QRICH1: variants seen among roughly 807,000 people sequenced by gnomAD.
QRICH1 encodes glutamine rich 1.
QRICH1 carries 16 observed loss-of-function variants against 87.1 expected under a neutral mutation model. The ratio of observed to expected loss-of-function variants is 0.18; its 90% CI spans 0.12 to 0.28. The LOEUF is 0.28. Among genes scored for constraint, QRICH1 ranks in the 10% least tolerant of loss-of-function variants. The pLI, the probability that QRICH1 is intolerant of heterozygous loss-of-function variation, is 1.00. For synonymous variants in QRICH1, 367 were observed against 368.4 expected (o/e 1.00, Z 0.05); for missense variants, 647 against 951.7 (o/e 0.68, Z 4.21).
chr3:49,093,574 A>G (rs1001454151), intron 1 of QRICH1: 3 of 152,324 alleles, frequency 2.0e-5, no homozygotes, highest in African/African-American at 4.8e-5. Context: ...CCCACGGGCC[A>G]CAGCTCCTAG....
chr3:49,030,992 T>C (rs1013056742), intron 9 of QRICH1, among the ~76,000 whole-genome samples: 2 of 130,074 alleles, frequency 1.5e-5, no homozygotes, highest in Admixed American at 7.7e-5. Flanking sequence ...GTCTTTGCGC[T>C]TTTTTTTTTT....
At chr3:49,062,030 G>A (rs956432527) in intron 2 of QRICH1, among the ~76,000 whole-genome samples, 2 of 151,998 alleles carry the variant, frequency 1.3e-5, no homozygotes, top group African/African-American at 2.4e-5. Context: ...TGAAACTGCT[G>A]GTGGGCATGT....
intron 3 of QRICH1, among the ~76,000 whole-genome samples, chr3:49,055,820 A>C (rs1329211852): frequency 2.6e-5 from 4 of 151,370 alleles, no homozygotes; most frequent in Admixed American, 1.3e-4. Flanking sequence ...CTGGGATTAT[A>C]GGTGTGTGCC....
intron 7 of QRICH1, 118 bp from the exon 8 acceptor site, chr3:49,032,891 G>A (rs571105712): frequency 8.6e-6 from 11 of 1,283,788 alleles, no homozygotes; most frequent in Admixed American, 4.8e-5. Context: ...ATCTGGGCAG[G>A]CCCGTACCCA....
intron 1 of QRICH1, among the ~76,000 whole-genome samples, chr3:49,087,830 A>AAAAAAAAAAAAAC: frequency 6.7e-6 from 1 of 148,900 alleles, no homozygotes; most frequent in African/African-American, 2.4e-5. Flanking sequence ...AAAAAAAAAA[A>AAAAAAAAAAAAAC]AAAAAAAAAG....
At chr3:49,044,790 A>G (rs1347251020) in intron 5 of QRICH1, among the ~76,000 whole-genome samples, 1 of 152,232 alleles carries the variant, frequency 6.6e-6, no homozygotes, top group Non-Finnish European at 1.5e-5. Flanking sequence ...CTCTGGGGTC[A>G]GCCTTCCATT....
intron 6 of QRICH1, among the ~76,000 whole-genome samples, chr3:49,044,067 T>G (rs538110519): frequency 6.6e-6 from 1 of 152,278 alleles, no homozygotes; most frequent in Non-Finnish European, 1.5e-5. Context: ...AAAGCAAAAA[T>G]TATGCTCTAC....
chr3:49,032,394 A>C, intron 8 of QRICH1, 121 bp from the exon 9 acceptor site: 4 of 840,968 alleles, frequency 4.8e-6, no homozygotes, highest in Non-Finnish European at 7.7e-6. Flanking sequence ...GGGGGAGGGA[A>C]GGTATGAGGC....
intron 6 of QRICH1, among the ~76,000 whole-genome samples, chr3:49,035,720 T>C (rs1191272452): frequency 6.7e-6 from 1 of 150,268 alleles, no homozygotes; most frequent in Non-Finnish European, 1.5e-5. Context: ...CCCAACAGGG[T>C]GAGGCAGCAG....
In QRICH1 at chr3:49,030,378, G is replaced by A. The variant is rs2106800958; in HGVS notation, c.*74C>T. ...AATAAAAAAAAGAAAAAAAAAAATG[G>A]AGGCCTCTTCTTTAGTGTGAAAGTC... On this transcript the variant is annotated 3_prime_UTR_variant, in exon 10 of 10. Coordinates refer to ENST00000395443, the MANE Select transcript of QRICH1 (RefSeq NM_198880.3). 1.5e-6 allele frequency: 2 copies of A among 1,378,972 alleles called. No individual in the cohort carries two copies. The highest frequency in any genetic ancestry group is 2.3e-5 in the Admixed American group (1 of 43,412). The allele number at this position is 1,378,972 out of a possible 1,614,324, so 85.4% of individuals were successfully genotyped here.
chr3:49,084,585 G>A (rs540665668), intron 1 of QRICH1, among the ~76,000 whole-genome samples: 242 of 151,990 alleles, frequency 1.6e-3, no homozygotes, highest in Non-Finnish European at 2.7e-3. Flanking sequence ...CCAACATGGT[G>A]AAACCCCATC....
At chr3:49,052,568 C>T (rs1386031382) in intron 3 of QRICH1, among the ~76,000 whole-genome samples, 1 of 152,174 alleles carries the variant, frequency 6.6e-6, no homozygotes, top group African/African-American at 2.4e-5. Flanking sequence ...TGCAGTGGCG[C>T]GATCTCGGCT....
At chr3:49,067,391 C>A (rs1478863116) in intron 2 of QRICH1, among the ~76,000 whole-genome samples, 2 of 150,116 alleles carry the variant, frequency 1.3e-5, no homozygotes, top group Non-Finnish European at 3.0e-5. Context: ...CATGGTGAAA[C>A]CCCGTCTCTA....
chr3:49,037,623 T>A (rs867503263), intron 6 of QRICH1, among the ~76,000 whole-genome samples: 9 of 151,874 alleles, frequency 5.9e-5, no homozygotes, highest in Non-Finnish European at 7.4e-5. Flanking sequence ...TCCCAGCTAC[T>A]CGGGAGGCTG....
intron 6 of QRICH1, among the ~76,000 whole-genome samples, chr3:49,038,969 G>C (rs1019128489): frequency 9.2e-5 from 14 of 152,186 alleles, no homozygotes; most frequent in African/African-American, 3.4e-4. Context: ...AGAGGTTGCA[G>C]TGAGCCAAGA....
intron 2 of QRICH1, among the ~76,000 whole-genome samples, chr3:49,062,014 A>G (rs1223692434): frequency 1.3e-5 from 2 of 152,146 alleles, no homozygotes; most frequent in Admixed American, 6.6e-5. Context: ...AAGGATATAG[A>G]CAACTTGAAA....
At chr3:49,051,440 T>C (rs2093369464) in intron 3 of QRICH1, among the ~76,000 whole-genome samples, 1 of 152,044 alleles carries the variant, frequency 6.6e-6, no homozygotes, top group Non-Finnish European at 1.5e-5. Flanking sequence ...CCTTACGTGT[T>C]TGTCAACCAT....
At position 49,087,818 on chromosome 3, in the gene QRICH1, C is replaced by CAAAAAAAAAAAAAAAAAAAAAAAA. The variant is rs58022360; in HGVS notation, c.-22+6093_-22+6094insTTTTTTTTTTTTTTTTTTTTTTTT. ...GAACTCAGGAGGCGGAGGTTCATCT[C>CAAAAAAAAAAAAAAAAAAAAAAAA]AAAAAAAAAAAAAAAAAAAAAGAAC... On this transcript the variant is annotated intron_variant, in intron 1 of 9. Coordinates refer to ENST00000395443, the MANE Select transcript of QRICH1 (RefSeq NM_198880.3). Among the ~76,000 whole-genome samples the CAAAAAAAAAAAAAAAAAAAAAAAA allele has an allele frequency of 1.0e-4, 5 of 47,684 alleles. 1 individual carries two copies. The highest frequency in any genetic ancestry group is 2.6e-4 in the African/African-American group (3 of 11,512). The allele number at this position is 47,684 out of a possible 152,430, so 31.3% of individuals were successfully genotyped here.
At chr3:49,046,636 T>TCAGAA in intron 4 of QRICH1, 57 bp from the exon 5 acceptor site, 1 of 1,569,448 alleles carries the variant, frequency 6.4e-7, no homozygotes, top group Admixed American at 1.8e-5. Flanking sequence ...TCTGGAAGGC[T>TCAGAA]CAGAACAGAT....
Sources: gnomAD v4.1 joint callset for allele counts (sites outside exome capture counted in the v4.1 genomes callset) on GRCh38, gnomAD v4.1.1 for gene constraint, MANE v1.5 for transcripts, NCBI Gene and HGNC (gene_info 2026-07-23, HGNC 2026-07-21) for gene names.